The following TMCO5A variants were observed in gnomAD, a reference collection of about 807,000 sequenced individuals.
The protein encoded by TMCO5A is transmembrane and coiled-coil domain-containing protein 5A.
In TMCO5A, 34 loss-of-function variants were observed where a neutral mutation model predicts 42.3. That is an observed-to-expected ratio of 0.80 (90% CI 0.61 to 1.07). The LOEUF (loss-of-function observed/expected upper bound fraction) is 1.07. TMCO5A is among the 50% of genes least tolerant of loss of function. The pLI is 0.00. For synonymous variants in TMCO5A, 131 were observed against 115.6 expected (o/e 1.13, Z -0.86); for missense variants, 357 against 327.9 (o/e 1.09, Z -0.69).
Position 37,941,643 on chromosome 15 carries a change from T to C in TMCO5A, c.445-28T>C, listed in dbSNP as rs116269206. ...GTTCTTATAGCAATTTACCGAAATA[T>C]ATTTACAACTAAATTTTGATTTCCT... is the stretch of plus-strand genomic sequence containing the variant. On this transcript the variant is annotated intron_variant, in intron 7 of 11. Coordinates refer to ENST00000319669, the MANE Select transcript of TMCO5A (RefSeq NM_152453.4). The C allele has an allele frequency of 4.3e-3, 6,666 of 1,544,714 alleles. 209 individuals carry two copies. The African/African-American group carries it at 0.072, about 17-fold the overall frequency.
the TMCO5A span, among the ~76,000 whole-genome samples, chr15:38,015,693 A>C: frequency 3.3e-5 from 5 of 152,228 alleles, no homozygotes; most frequent in African/African-American, 1.2e-4. Flanking sequence ...AAACTATGGT[A>C]CATCCAGACA....
chr15:38,032,926 C>CT, the TMCO5A span, among the ~76,000 whole-genome samples: 6,753 of 100,122 alleles, frequency 0.067, 287 homozygotes, highest in African/African-American at 0.12. Flanking sequence ...AATTTGGTCT[C>CT]TTTTTTTTTT....
the TMCO5A span, among the ~76,000 whole-genome samples, chr15:38,005,102 G>A: frequency 1.3e-5 from 2 of 151,940 alleles, no homozygotes; most frequent in Non-Finnish European, 2.9e-5. Context: ...ATTATGCCCA[G>A]TCTATTTTAC....
At chr15:37,965,126 T>A (rs1053703723) in intron 11 of TMCO5A, among the ~76,000 whole-genome samples, 84 of 152,256 alleles carry the variant, frequency 5.5e-4, no homozygotes, top group African/African-American at 1.9e-3. Flanking sequence ...TAAAGTGAAC[T>A]CATTGTTGAC....
At chr15:38,014,199 A>G in the TMCO5A span, among the ~76,000 whole-genome samples, 1 of 152,170 alleles carries the variant, frequency 6.6e-6, no homozygotes, top group African/African-American at 2.4e-5. Context: ...TCTGGATACT[A>G]AGGCATAGAT....
In TMCO5A at chr15:37,951,313, G is replaced by A. The variant is rs1890151371; in HGVS notation, c.*79G>A. ...GAAGGGAGGCATGAAACTTGTGGAGGAAAGAGATTTGCTTCAGTTTTTTCC... is the reference window on the plus strand; with the variant it reads ...GAAGGGAGGCATGAAACTTGTGGAGAAAAGAGATTTGCTTCAGTTTTTTCC... On this transcript the variant is annotated 3_prime_UTR_variant, in exon 12 of 12. Coordinates refer to ENST00000319669, the MANE Select transcript of TMCO5A (RefSeq NM_152453.4). The A allele has an allele frequency of 1.4e-6, 2 of 1,421,758 alleles. No individual in the cohort carries two copies. Among genetic ancestry groups the A allele is most frequent in the South Asian group, 1.2e-5 (1 of 80,800 alleles). The allele number at this position is 1,421,758 out of a possible 1,614,324, so 88.1% of individuals were successfully genotyped here.
At chr15:37,975,424 T>C in the TMCO5A span, among the ~76,000 whole-genome samples, 61 of 144,918 alleles carry the variant, frequency 4.2e-4, 3 homozygotes, top group Admixed American at 1.1e-3. Flanking sequence ...TGTCCCTGTG[T>C]TGCATGCATA....
At position 37,937,408 on chromosome 15, in the gene TMCO5A, T is replaced by C; in HGVS notation, c.315+12T>C. 6.2e-7 allele frequency: 1 copy of C among 1,612,816 alleles called. No individual in the cohort carries two copies. Among genetic ancestry groups the C allele is most frequent in the Non-Finnish European group, 8.5e-7 (1 of 1,179,206 alleles). ...AACTTCAACAAAAGGTGAGGTAGGG[T>C]ACTTGTGTTCTCCAGTGCCCCCACA... On this transcript the variant is annotated intron_variant, in intron 5 of 11. Transcript: ENST00000319669.
the TMCO5A span, among the ~76,000 whole-genome samples, chr15:37,986,831 C>G: frequency 0.021 from 3,229 of 152,058 alleles, 67 homozygotes; most frequent in Non-Finnish European, 0.03. Flanking sequence ...TATGTTGCTT[C>G]CACATTTTAG....
intron 2 of TMCO5A, among the ~76,000 whole-genome samples, chr15:37,935,728 C>A (rs1041521699): frequency 6.6e-6 from 1 of 152,068 alleles, no homozygotes; most frequent in Non-Finnish European, 1.5e-5. Context: ...TTTTTGAAAG[C>A]TATGCCTAGA....
the TMCO5A span, among the ~76,000 whole-genome samples, chr15:38,013,165 A>C: frequency 6.6e-6 from 1 of 152,186 alleles, no homozygotes; most frequent in Admixed American, 6.5e-5. Context: ...AGTTACCTAC[A>C]GAACTCATCC....
At chr15:38,031,785 T>C in the TMCO5A span, among the ~76,000 whole-genome samples, 3 of 152,164 alleles carry the variant, frequency 2.0e-5, no homozygotes, top group Non-Finnish European at 2.9e-5. Context: ...ATTACTGTCT[T>C]AAGCCACTGA....
In TMCO5A at chr15:37,951,172, A is replaced by G. The variant is rs979049724; in HGVS notation, c.805A>G (p.Lys269Glu). Reference sequence around the variant, plus strand: ...GGTACTGGGCAGGAGCACCTTGTGGAAGCTCAGATGCTTCTTCTTTCCATC... The same window carrying G: ...GGTACTGGGCAGGAGCACCTTGTGGGAGCTCAGATGCTTCTTCTTTCCATC... Reference protein sequence around the residue: ...PKVLGRSTLWKLRCFFFPSLT... With the variant: ...PKVLGRSTLWELRCFFFPSLT... The change falls in exon 12 of 12, where the codon AAG becomes GAG. Residue 269 changes from lysine (K) to glutamate (E), a missense_variant. By Grantham distance (56) the Lys-to-Glu change is moderately conservative. Coordinates refer to ENST00000319669, the MANE Select transcript of TMCO5A (RefSeq NM_152453.4). 1.2e-6 allele frequency: 2 copies of G among 1,613,742 alleles called. No individual in the cohort carries two copies. Among genetic ancestry groups the G allele is most frequent in the African/African-American group, 2.7e-5 (2 of 74,904 alleles).
At chr15:38,031,385 A>G in the TMCO5A span, among the ~76,000 whole-genome samples, 3,589 of 152,254 alleles carry the variant, frequency 0.024, 159 homozygotes, top group African/African-American at 0.082. Flanking sequence ...CATTGTATCA[A>G]TATTAGTCTG....
At chr15:37,972,825 T>C in the TMCO5A span, among the ~76,000 whole-genome samples, 7 of 152,366 alleles carry the variant, frequency 4.6e-5, no homozygotes, top group South Asian at 1.4e-3. Flanking sequence ...GCAATTGTTT[T>C]TGGCAGCTTC....
the TMCO5A span, among the ~76,000 whole-genome samples, chr15:37,983,156 G>A: frequency 6.6e-6 from 1 of 152,170 alleles, no homozygotes; most frequent in Non-Finnish European, 1.5e-5. Flanking sequence ...AGCATGTCAT[G>A]TGCTTGCCAT....
chr15:37,987,896 A>G, the TMCO5A span, among the ~76,000 whole-genome samples: 1 of 152,122 alleles, frequency 6.6e-6, no homozygotes, highest in Non-Finnish European at 1.5e-5. Context: ...TCTGCCCAAA[A>G]AAAAGTCATT....
chr15:37,957,934 C>T (rs545092153), intron 11 of TMCO5A, among the ~76,000 whole-genome samples: 1 of 152,184 alleles, frequency 6.6e-6, no homozygotes, highest in Admixed American at 6.5e-5. Flanking sequence ...AGAAATAATG[C>T]CACACATCTA....
chr15:37,992,165 C>T, the TMCO5A span, among the ~76,000 whole-genome samples: 1 of 152,024 alleles, frequency 6.6e-6, no homozygotes, highest in African/African-American at 2.4e-5. Context: ...AAAAAAACAA[C>T]CTCATTGAAA....
Sources: gnomAD v4.1 joint callset for allele counts (sites outside exome capture counted in the v4.1 genomes callset) on GRCh38, gnomAD v4.1.1 for gene constraint, MANE v1.5 for transcripts, NCBI Gene and HGNC (gene_info 2026-07-23, HGNC 2026-07-21) for gene names.